Variants in ADAMTS20 observed in about 807,000 individuals in gnomAD.
ADAMTS20 encodes the protein ADAM metallopeptidase with thrombospondin type 1 motif 20, also known as A disintegrin and metalloproteinase with thrombospondin motifs 20.
In ADAMTS20, 225 loss-of-function variants were observed where a neutral mutation model predicts 260.1. The ratio of observed to expected loss-of-function variants is 0.87; its 90% CI spans 0.78 to 0.97. The LOEUF (loss-of-function observed/expected upper bound fraction) is 0.97. Ranked by LOEUF, ADAMTS20 falls within the 50% of genes least tolerant of loss-of-function variation. ADAMTS20 has a pLI of 0.00. For missense variants in ADAMTS20, 2,400 were observed against 2,337.7 expected, an observed-to-expected ratio of 1.03 and a Z score of -0.55; for synonymous variants, 802 against 769.5, an observed-to-expected ratio of 1.04 and a Z score of -0.70.
intron 28 of ADAMTS20, among the ~76,000 whole-genome samples, chr12:43,410,078 G>T (rs1215484158): frequency 6.6e-6 from 1 of 152,116 alleles, no homozygotes; most frequent in Non-Finnish European, 1.5e-5. Flanking sequence ...TTCCAGGTTT[G>T]CACAGAAGGA....
intron 3 of ADAMTS20, among the ~76,000 whole-genome samples, chr12:43,513,338 C>G (rs957214275): frequency 2.0e-5 from 3 of 152,142 alleles, no homozygotes; most frequent in Non-Finnish European, 2.9e-5. Context: ...ACACACTTCC[C>G]TTAAAAGCTG....
At chr12:43,420,610 A>G (rs887957040) in intron 28 of ADAMTS20, among the ~76,000 whole-genome samples, 4 of 151,964 alleles carry the variant, frequency 2.6e-5, no homozygotes, top group Non-Finnish European at 5.9e-5. Context: ...CCTTAGGAGC[A>G]ACAGAGGCAG....
chr12:43,427,338 A>T lies in ADAMTS20; in HGVS notation c.4077T>A (p.Cys1359Ter). ...CCCAATTTCCGTAGTTCCACTGTGG[A>T]CAAGGCCCTGGACCACATTGCTGTA... ...PELQQCGPGP[C>*]PQWNYGNWGE... The change falls in exon 27 of 39, where the codon TGT (cysteine) becomes TGA (stop). Residue 1359 changes from cysteine (C) to a stop codon, truncating the protein, a stop_gained. Coordinates refer to ENST00000389420, the MANE Select transcript of ADAMTS20 (RefSeq NM_025003.5). LOFTEE classifies it high-confidence loss of function. The T allele has an allele frequency of 1.2e-6, 2 of 1,613,744 alleles. No individual in the cohort carries two copies. The highest frequency in any genetic ancestry group is 1.7e-6 in the Non-Finnish European group (2 of 1,179,814).
intron 15 of ADAMTS20, among the ~76,000 whole-genome samples, chr12:43,444,677 T>C (rs1941728835): frequency 6.6e-6 from 1 of 152,182 alleles, no homozygotes; most frequent in South Asian, 2.1e-4. Context: ...TTTTTAAATA[T>C]ACAATTAGTT....
intron 28 of ADAMTS20, among the ~76,000 whole-genome samples, chr12:43,409,601 C>CAAAAAAAAAAAAAAAAAAA (rs67474640): frequency 1.1e-4 from 5 of 46,908 alleles, no homozygotes; most frequent in African/African-American, 1.4e-4. Flanking sequence ...GACTCCGTCT[C>CAAAAAAAAAAAAAAAAAAA]AAAAAAAAAA....
chr12:43,423,469 G>A (rs903124673), intron 28 of ADAMTS20: 11 of 446,284 alleles, frequency 2.5e-5, no homozygotes, highest in Non-Finnish European at 4.0e-5. Context: ...AATGGGTAGG[G>A]AAAATAAAAC....
intron 28 of ADAMTS20, among the ~76,000 whole-genome samples, chr12:43,399,679 C>G (rs2137252777): frequency 6.6e-6 from 1 of 152,218 alleles, no homozygotes; most frequent in Admixed American, 6.6e-5. Flanking sequence ...TTAGTAATCT[C>G]TCAGTGCAGA....
chr12:43,386,579 C>T (rs539304026), intron 29 of ADAMTS20, among the ~76,000 whole-genome samples: 11 of 152,272 alleles, frequency 7.2e-5, no homozygotes, highest in African/African-American at 2.6e-4. Context: ...CTAAAGAGTG[C>T]TTTCCAACTT....
At chr12:43,402,430 G>A (rs1940827774) in intron 28 of ADAMTS20, among the ~76,000 whole-genome samples, 1 of 151,962 alleles carries the variant, frequency 6.6e-6, no homozygotes, top group Non-Finnish European at 1.5e-5. Flanking sequence ...AAGATCTGAA[G>A]AGGGTAAGTA....
chr12:43,356,913 T>C (rs1258837416), intron 37 of ADAMTS20, among the ~76,000 whole-genome samples: 2 of 152,242 alleles, frequency 1.3e-5, no homozygotes, highest in Admixed American at 6.5e-5. Context: ...ATCTCTGTTA[T>C]TGCCCCATTC....
At position 43,428,522 on chromosome 12, in the gene ADAMTS20, A is replaced by C; in HGVS notation, c.3664T>G (p.Ser1222Ala). 1 of 1,613,158 alleles carries C rather than the reference A, an allele frequency of 6.2e-7. No homozygotes were observed. The highest frequency in any genetic ancestry group is 8.5e-7 in the Non-Finnish European group (1 of 1,179,332). ...CGAGTTGTTTTTCCATGGCCACAGG[A>C]AGCTGAACACTGATCAAAAATTTAG... Reference protein sequence around the residue: ...QAGDWSPCSASCGHGKTTRQV... With the variant: ...QAGDWSPCSAACGHGKTTRQV... Residue 1222 changes from serine (S) to alanine (A), a missense_variant, in exon 26 of 39, where the codon TCC (serine) becomes GCC (alanine). By Grantham distance (99) the Ser-to-Ala change is moderately conservative (BLOSUM62 1). Transcript: ENST00000389420.
chr12:43,390,386 T>A lies in ADAMTS20; in HGVS notation c.4453-6409A>T, dbSNP rs193040171. ...TTGTATTCTCTCCTGAACTTTCTCA[T>A]TTTTTCAAATATAAATAGGCTGAGA... is the stretch of plus-strand genomic sequence containing the variant. On this transcript the variant is annotated intron_variant, in intron 29 of 38. Transcript: ENST00000389420. Among the ~76,000 whole-genome samples the A allele has an allele frequency of 1.7e-3, 255 of 152,344 alleles. 1 individual carries two copies. The highest frequency in any genetic ancestry group is 2.7e-3 in the Non-Finnish European group (184 of 68,030).
chr12:43,408,139 A>T (rs897347669), intron 28 of ADAMTS20, among the ~76,000 whole-genome samples: 3 of 152,102 alleles, frequency 2.0e-5, no homozygotes, highest in African/African-American at 7.2e-5. Context: ...ATTATTGTGA[A>T]TTTACTTTTT....
rs1199327020 is a variant in ADAMTS20 at position 43,453,986 on chromosome 12, G to A, written c.1681C>T (p.Pro561Ser). 6.2e-7 allele frequency: 1 copy of A among 1,613,614 alleles called. No homozygotes were observed. Among genetic ancestry groups the A allele is most frequent in the East Asian group, 2.2e-5 (1 of 44,876 alleles). ...GAACAAGAACTGTAAGGTTCCCATG[G>A]TCCCCATTCACCATTTACAGGACGT... Reference protein sequence around the residue: ...ETRPVNGEWGPWEPYSSCSRT... With the variant: ...ETRPVNGEWGSWEPYSSCSRT... Residue 561 changes from proline to serine, a missense_variant, in exon 12 of 39, where the codon CCA (proline) becomes TCA (serine). By Grantham distance (74) the Pro-to-Ser change is moderately conservative (BLOSUM62 -1). Coordinates refer to ENST00000389420, the MANE Select transcript of ADAMTS20 (RefSeq NM_025003.5).
At position 43,458,226 on chromosome 12, in the gene ADAMTS20, T is replaced by C. The variant is rs189392929; in HGVS notation, c.1615-4174A>G. Reference sequence around the variant, plus strand: ...CACAGGTAGGTGACAGACAGATGGTTGCATTCTTTTGAGTTTCTGATAAGT... The same window carrying C: ...CACAGGTAGGTGACAGACAGATGGTCGCATTCTTTTGAGTTTCTGATAAGT... On this transcript the variant is annotated intron_variant, in intron 11 of 38. Coordinates refer to ENST00000389420, the MANE Select transcript of ADAMTS20 (RefSeq NM_025003.5). 2.6e-3 allele frequency among the ~76,000 whole-genome samples: 392 copies of C among 152,346 alleles called. 2 individuals are homozygous for C. Among genetic ancestry groups the C allele is most frequent in the Non-Finnish European group, 4.5e-3 (306 of 68,036 alleles).
chr12:43,543,998 A>G (rs1389191887), intron 2 of ADAMTS20, among the ~76,000 whole-genome samples: 2 of 152,222 alleles, frequency 1.3e-5, no homozygotes, highest in Non-Finnish European at 2.9e-5. Flanking sequence ...CCAAAACCTA[A>G]TAGTGGCTGT....
intron 2 of ADAMTS20, 37 bp downstream of exon 2, chr12:43,550,872 A>T: frequency 6.7e-7 from 1 of 1,493,410 alleles, no homozygotes; most frequent in South Asian, 1.4e-5. Context: ...CCTTGCCTGG[A>T]TCCCAAGAAA....
In ADAMTS20 at chr12:43,551,712, G is replaced by C. The variant is rs529061047; in HGVS notation, c.91+119C>G. The C allele has an allele frequency of 1.8e-3, 1,907 of 1,042,428 alleles. 6 individuals are homozygous for C. Among genetic ancestry groups the C allele is most frequent in the South Asian group, 3.6e-3 (255 of 70,994 alleles). The allele number at this position is 1,042,428 out of a possible 1,614,324, so 64.6% of individuals were successfully genotyped here. On this transcript the variant is annotated intron_variant, in intron 1 of 38. Coordinates refer to ENST00000389420, the MANE Select transcript of ADAMTS20 (RefSeq NM_025003.5). The surrounding 1 kb of genome is among the most constrained non-coding windows in gnomAD (Gnocchi z 4.6). ...CGGCTGACTGGTCCGGGAGTCCCGG[G>C]AGCTCCAGCAGGGCCAGCGTTCCCC... is the stretch of plus-strand genomic sequence containing the variant.
At chr12:43,485,952 C>T (rs139950022) in intron 7 of ADAMTS20, among the ~76,000 whole-genome samples, 54 of 152,172 alleles carry the variant, frequency 3.5e-4, no homozygotes, top group African/African-American at 1.3e-3. Flanking sequence ...AACAGAAATA[C>T]ATCCCATGCT....
Sources: allele counts gnomAD v4.1 joint callset (sites outside exome capture counted in the v4.1 genomes callset), GRCh38; gene constraint gnomAD v4.1.1; non-coding constraint Gnocchi (gnomAD v3.1); transcripts MANE v1.5; gene names NCBI Gene and HGNC (gene_info 2026-07-23, HGNC 2026-07-21).